The following NTRK2 variants were observed in gnomAD, a reference collection of about 807,000 sequenced individuals.
The protein encoded by NTRK2 is neurotrophic receptor tyrosine kinase 2, also known as BDNF/NT-3 growth factors receptor.
In NTRK2, 13 loss-of-function variants were observed where a neutral mutation model predicts 94.5. That is an observed-to-expected ratio of 0.14 (90% CI 0.09 to 0.22). The LOEUF (loss-of-function observed/expected upper bound fraction) is 0.22, where lower values mean the gene tolerates loss of function less well. NTRK2 is among the 10% of genes least tolerant of loss of function. The probability of loss-of-function intolerance (pLI) is 1.00; values close to 1 mark genes in which losing one functional copy is unlikely to be tolerated. For synonymous variants in NTRK2, 372 were observed against 407.4 expected (o/e 0.91, Z 1.05); for missense variants, 639 against 1,071.2 (o/e 0.60, Z 5.63).
intron 12 of NTRK2, among the ~76,000 whole-genome samples, chr9:84,782,510 G>A (rs956439470): frequency 1.3e-5 from 2 of 152,126 alleles, no homozygotes; most frequent in South Asian, 4.1e-4. Flanking sequence ...TTCTGCCTCT[G>A]CAATTTTCCC....
intron 14 of NTRK2, among the ~76,000 whole-genome samples, chr9:84,931,417 AGAG>A (rs1309599212): frequency 1.6e-4 from 16 of 101,126 alleles, no homozygotes; most frequent in African/African-American, 3.2e-4. Context: ...AAAAAAAAAA[AGAG>A]AGAGAGAGAG....
intron 2 of NTRK2, among the ~76,000 whole-genome samples, chr9:84,685,061 A>G (rs1189532115): frequency 1.3e-5 from 2 of 151,720 alleles, no homozygotes; most frequent in Non-Finnish European, 2.9e-5. Flanking sequence ...GAGCAATTTT[A>G]TATTTTCTTC....
intron 14 of NTRK2, among the ~76,000 whole-genome samples, chr9:84,868,589 G>A (rs973416055): frequency 2.6e-5 from 4 of 152,164 alleles, no homozygotes; most frequent in Admixed American, 2.6e-4. Context: ...ATAGAATAAT[G>A]TGTGAAGAAT....
chr9:84,785,217 C>T (rs2068003651), intron 12 of NTRK2, among the ~76,000 whole-genome samples: 1 of 152,150 alleles, frequency 6.6e-6, no homozygotes, highest in Non-Finnish European at 1.5e-5. Flanking sequence ...CCTCACTCCT[C>T]CTCCCACCCT....
intron 12 of NTRK2, among the ~76,000 whole-genome samples, chr9:84,804,958 A>T (rs2070936838): frequency 6.6e-6 from 1 of 152,142 alleles, no homozygotes; most frequent in South Asian, 2.1e-4. Context: ...CTCAAACCAC[A>T]AATTCTTCTT....
chr9:84,999,346 T>A (rs1359201100), intron 17 of NTRK2, among the ~76,000 whole-genome samples: 1 of 152,222 alleles, frequency 6.6e-6, no homozygotes, highest in African/African-American at 2.4e-5. Context: ...GTATTGTCTG[T>A]TAAGTCTTTA....
intron 13 of NTRK2, among the ~76,000 whole-genome samples, chr9:84,862,717 A>ATGT (rs1192011567): frequency 7.9e-5 from 12 of 152,208 alleles, no homozygotes; most frequent in African/African-American, 2.9e-4. Flanking sequence ...ATGCAGAGCC[A>ATGT]CGTGGGGAAG....
intron 6 of NTRK2, among the ~76,000 whole-genome samples, chr9:84,722,841 T>G (rs891470567): frequency 2.0e-5 from 3 of 152,260 alleles, no homozygotes; most frequent in African/African-American, 7.2e-5. Context: ...AAGTTTCATC[T>G]GATAAATACA....
intron 12 of NTRK2, among the ~76,000 whole-genome samples, chr9:84,825,463 T>C (rs2073125621): frequency 6.6e-6 from 1 of 152,144 alleles, no homozygotes; most frequent in Admixed American, 6.5e-5. Flanking sequence ...TCCACTTGGT[T>C]TGACCCTCTT....
At chr9:84,832,557 G>C (rs2073617457) in intron 12 of NTRK2, among the ~76,000 whole-genome samples, 1 of 152,210 alleles carries the variant, frequency 6.6e-6, no homozygotes, top group Non-Finnish European at 1.5e-5. Context: ...GGGAGGTGTA[G>C]AAGCAGCACA....
chr9:84,749,267 G>A (rs961036292), intron 11 of NTRK2, among the ~76,000 whole-genome samples: 3 of 152,124 alleles, frequency 2.0e-5, no homozygotes, highest in Admixed American at 6.5e-5. Flanking sequence ...TTGCAGAAGC[G>A]TTTTTGGGGA....
In NTRK2 at chr9:84,747,581, CA is replaced by C. The variant is rs1400383486; in HGVS notation, c.1296+2509del. The stretch of plus-strand genomic sequence containing the variant: ...CAAGCTCTGCCTGCCGGGTTCATGC[CA>C]TTCTCCTGCCTCAGCCTCCCGAGTA... On this transcript the variant is annotated intron_variant, in intron 11 of 18. Coordinates refer to ENST00000277120, the MANE Select transcript of NTRK2 (RefSeq NM_006180.6). Among the ~76,000 whole-genome samples, 4 of 151,346 alleles carry C rather than the reference CA, an allele frequency of 2.6e-5. No homozygotes were observed. The East Asian group carries it at 7.8e-4, about 29-fold the overall frequency.
intron 15 of NTRK2, among the ~76,000 whole-genome samples, chr9:84,948,064 A>G (rs544789905): frequency 6.6e-6 from 1 of 152,256 alleles, no homozygotes; most frequent in Admixed American, 6.5e-5. Context: ...GGTTCACTGT[A>G]CTCTTCTTTC....
chr9:84,801,751 C>A (rs1046106336), intron 12 of NTRK2, among the ~76,000 whole-genome samples: 2 of 152,138 alleles, frequency 1.3e-5, no homozygotes, highest in Non-Finnish European at 2.9e-5. Flanking sequence ...AGGACATAAT[C>A]CCATCATCAA....
intron 14 of NTRK2, chr9:84,873,001 T>A: frequency 9.4e-7 from 1 of 1,063,696 alleles, no homozygotes; most frequent in Non-Finnish European, 1.1e-6. Flanking sequence ...AACATTACTT[T>A]GAGTACACAT....
chr9:84,910,503 A>G (rs1406675980), intron 14 of NTRK2, among the ~76,000 whole-genome samples: 1 of 152,080 alleles, frequency 6.6e-6, no homozygotes, highest in Admixed American at 6.6e-5. Context: ...GATGCTCGTC[A>G]TTGGATTTAA....
intron 17 of NTRK2, among the ~76,000 whole-genome samples, chr9:85,008,018 G>A (rs964535145): frequency 5.3e-5 from 8 of 152,068 alleles, no homozygotes; most frequent in African/African-American, 1.4e-4. Flanking sequence ...GGCAGGGAAC[G>A]GGAATGTCTT....
chr9:84,768,440 G>C, intron 12 of NTRK2, among the ~76,000 whole-genome samples: 1 of 152,004 alleles, frequency 6.6e-6, no homozygotes, highest in East Asian at 1.9e-4. Context: ...CCTCCGCAGG[G>C]GTTTTTCTTT....
chr9:84,794,718 A>T (rs931949219), intron 12 of NTRK2, among the ~76,000 whole-genome samples: 1 of 152,172 alleles, frequency 6.6e-6, no homozygotes, highest in African/African-American at 2.4e-5. Context: ...TAGTCAAAGG[A>T]GGGGAAATTC....
Sources: gnomAD v4.1 joint callset for allele counts (sites outside exome capture counted in the v4.1 genomes callset) on GRCh38, gnomAD v4.1.1 for gene constraint, MANE v1.5 for transcripts, NCBI Gene and HGNC (gene_info 2026-07-23, HGNC 2026-07-21) for gene names.